Variants in EIF4G3 observed in about 807,000 individuals in gnomAD.
EIF4G3 encodes the protein eukaryotic translation initiation factor 4 gamma 3, also known as eIF-4-gamma 3.
A neutral mutation model predicts 186.4 loss-of-function variants in EIF4G3; 34 were observed. The observed-to-expected ratio is 0.18, with a 90% CI of 0.14 to 0.24. The LOEUF (loss-of-function observed/expected upper bound fraction) is 0.24. EIF4G3 is among the 10% of genes least tolerant of loss of function. The pLI is 1.00. For missense variants in EIF4G3, 1,536 were observed against 1,948.5 expected, an observed-to-expected ratio of 0.79 and a Z score of 3.99; for synonymous variants, 673 against 679.5, an observed-to-expected ratio of 0.99 and a Z score of 0.15.
chr1:20,996,488 T>C (rs2154568402), intron 7 of EIF4G3, among the ~76,000 whole-genome samples: 1 of 152,338 alleles, frequency 6.6e-6, no homozygotes, highest in South Asian at 2.1e-4. Context: ...GCTTTGCCTT[T>C]ACATCCTCCA....
chr1:21,109,180 C>T (rs1572682109), intron 2 of EIF4G3, among the ~76,000 whole-genome samples: 1 of 151,804 alleles, frequency 6.6e-6, no homozygotes, highest in African/African-American at 2.4e-5. Flanking sequence ...ATCACAGCAC[C>T]GCACTCCAGC....
chr1:20,981,244 A>AG lies in EIF4G3; in HGVS notation c.199-18_199-17insC. ...CTGGAAAAACTGGGAAGGGGAGAAAAAAAAAATTTTTTTTTTTTTTTAACA... is the reference window on the plus strand; with the variant it reads ...CTGGAAAAACTGGGAAGGGGAGAAAAGAAAAAATTTTTTTTTTTTTTTAACA... On this transcript the variant is annotated splice_polypyrimidine_tract_variant and intron_variant, in intron 8 of 36. Coordinates refer to ENST00000602326, the MANE Select transcript of EIF4G3 (RefSeq NM_001391906.1). The AG allele has an allele frequency of 6.5e-7, 1 of 1,547,260 alleles. No individual in the cohort carries two copies. The highest frequency in any genetic ancestry group is 1.2e-5 in the South Asian group (1 of 81,254).
chr1:20,925,448 G>A (rs975635799), intron 14 of EIF4G3, among the ~76,000 whole-genome samples: 5 of 152,170 alleles, frequency 3.3e-5, no homozygotes, highest in East Asian at 3.9e-4. Flanking sequence ...TATTAATAAC[G>A]GTATTATGTT....
At chr1:21,091,276 C>G (rs2096187480) in intron 2 of EIF4G3, among the ~76,000 whole-genome samples, 1 of 152,098 alleles carries the variant, frequency 6.6e-6, no homozygotes, top group Admixed American at 6.6e-5. Context: ...TCCTGTGACT[C>G]AGCCTCCCAA....
intron 2 of EIF4G3, among the ~76,000 whole-genome samples, chr1:21,129,589 C>T (rs572259018): frequency 6.6e-6 from 1 of 152,156 alleles, no homozygotes; most frequent in Non-Finnish European, 1.5e-5. Flanking sequence ...TAGGAACAGG[C>T]ACAAAGCCTG....
At chr1:21,148,498 C>G (rs985020330) in intron 2 of EIF4G3, among the ~76,000 whole-genome samples, 7 of 151,920 alleles carry the variant, frequency 4.6e-5, no homozygotes, top group Non-Finnish European at 1.0e-4. Context: ...GTCAGGAGAT[C>G]GAGACCATCC....
intron 30 of EIF4G3, among the ~76,000 whole-genome samples, chr1:20,837,789 GC>G (rs2067200698): frequency 6.6e-6 from 1 of 152,084 alleles, no homozygotes; most frequent in South Asian, 2.1e-4. Context: ...ATTCTGATCT[GC>G]TTGCAAGAAA....
chr1:20,975,838 CACT>C (rs2076747443), intron 10 of EIF4G3, among the ~76,000 whole-genome samples: 1 of 151,710 alleles, frequency 6.6e-6, no homozygotes, highest in South Asian at 2.1e-4. Flanking sequence ...TCTAGTCCAC[CACT>C]ATTTATTTTT....
At chr1:20,813,947 G>GTTTTTTTTTTT (rs576925301) in intron 34 of EIF4G3, among the ~76,000 whole-genome samples, 2 of 77,330 alleles carry the variant, frequency 2.6e-5, no homozygotes, top group Non-Finnish European at 4.5e-5. Context: ...ATGAGTCACT[G>GTTTTTTTTTTT]TTTTTTTTTT....
Position 21,050,900 on chromosome 1 carries a change from G to A in EIF4G3, c.-101C>T, listed in dbSNP as rs2094173902. On this transcript the variant is annotated 5_prime_UTR_variant, in exon 4 of 37. Coordinates refer to ENST00000602326, the MANE Select transcript of EIF4G3 (RefSeq NM_001391906.1). ...TCCAGGGGACGATGCATGTCCCGGG[G>A]GCGTTGCCGCAAGATTTGGATGCCC... 2 of 713,674 alleles carry A rather than the reference G, an allele frequency of 2.8e-6. No homozygotes were observed. Among genetic ancestry groups the A allele is most frequent in the African/African-American group, 3.5e-5 (2 of 56,986 alleles). The allele number at this position is 713,674 out of a possible 1,614,324, so 44.2% of individuals were successfully genotyped here. A position where few individuals can be genotyped will look rare whatever the true frequency, so the allele number is the denominator to read the frequency against.
At chr1:20,968,414 G>A (rs753031557) in intron 12 of EIF4G3, among the ~76,000 whole-genome samples, 1 of 152,138 alleles carries the variant, frequency 6.6e-6, no homozygotes, top group Non-Finnish European at 1.5e-5. Flanking sequence ...TCCAGACCTC[G>A]GGTGATTTGG....
At chr1:21,132,613 ATT>A (rs1194867083) in intron 2 of EIF4G3, among the ~76,000 whole-genome samples, 3 of 151,636 alleles carry the variant, frequency 2.0e-5, no homozygotes, top group African/African-American at 4.8e-5. Flanking sequence ...CATATTTTTT[ATT>A]TTTTTGTAGA....
chr1:20,868,090 C>CTTTTTTTTCTTTTTTTTTT (rs1553236849), intron 20 of EIF4G3, among the ~76,000 whole-genome samples: 4 of 90,416 alleles, frequency 4.4e-5, no homozygotes, highest in African/African-American at 1.2e-4. Context: ...TGGTGATTTT[C>CTTTTTTTTCTTTTTTTTTT]TTTTTTTTTT....
At chr1:20,838,743 T>A (rs2067517335) in intron 30 of EIF4G3, among the ~76,000 whole-genome samples, 1 of 152,066 alleles carries the variant, frequency 6.6e-6, no homozygotes, top group Admixed American at 6.6e-5. Context: ...TGCAGTGGTG[T>A]GATCATGGCT....
chr1:20,962,911 T>G (rs1211307877), intron 12 of EIF4G3, among the ~76,000 whole-genome samples: 3 of 149,760 alleles, frequency 2.0e-5, no homozygotes, highest in South Asian at 2.1e-4. Context: ...TAGTTTTGTT[T>G]TTTTTTTGTT....
rs1446047091 is a variant in EIF4G3, at chr1:21,155,280, A to AAG, written c.-272+20894_-272+20895insCT. Reference sequence around the variant, plus strand: ...TCTGTCTCAAAAAAAAAAAAAAAAAAAAAAAAGAAAGAAAGAAATTATACA... The same window carrying AAG: ...TCTGTCTCAAAAAAAAAAAAAAAAAAAGAAAAAAGAAAGAAAGAAATTATACA... On this transcript the variant is annotated intron_variant, in intron 2 of 36. Coordinates refer to ENST00000602326, the MANE Select transcript of EIF4G3 (RefSeq NM_001391906.1). Among the ~76,000 whole-genome samples the AAG allele has an allele frequency of 9.5e-4, 142 of 149,292 alleles. 1 individual carries two copies. The highest frequency in any genetic ancestry group is 3.4e-3 in the African/African-American group (136 of 39,660).
rs1245901387 is a variant in EIF4G3 at position 20,941,995 on chromosome 1, T to C, written c.1159A>G (p.Asn387Asp). ...GGTTTCTTGCATATATCATCATCAT[T>C]TTCATTTGTTGGTAAAGGGTCTGAT... ...ETSDPLPTNE[N>D]DDDICKKPCS... The change falls in exon 14 of 37, where the codon AAT becomes GAT. Residue 387 changes from asparagine to aspartate, a missense_variant. Transcript: ENST00000602326. 1 of 1,614,186 alleles carries C rather than the reference T, an allele frequency of 6.2e-7. No individual in the cohort carries two copies. Among genetic ancestry groups the C allele is most frequent in the Admixed American group, 1.7e-5 (1 of 60,016 alleles).
At chr1:21,168,207 C>T (rs191879213) in intron 2 of EIF4G3, among the ~76,000 whole-genome samples, 2 of 152,120 alleles carry the variant, frequency 1.3e-5, no homozygotes, top group East Asian at 3.9e-4. Flanking sequence ...AGTTTGAGAC[C>T]AGCCTGGCCA....
intron 13 of EIF4G3, among the ~76,000 whole-genome samples, chr1:20,943,974 T>TTGTGTGTGTGTGTG (rs1163268356): frequency 6.4e-5 from 4 of 62,540 alleles, no homozygotes; most frequent in African/African-American, 2.2e-4. Flanking sequence ...TTTATTTTTT[T>TTGTGTGTGTGTGTG]TGTGTGTGTG....
Sources: gnomAD v4.1 joint callset for allele counts (sites outside exome capture counted in the v4.1 genomes callset) on GRCh38, gnomAD v4.1.1 for gene constraint, MANE v1.5 for transcripts, NCBI Gene and HGNC (gene_info 2026-07-23, HGNC 2026-07-21) for gene names.